ANO4: variants seen among roughly 807,000 people sequenced by gnomAD.
The protein encoded by ANO4 is anoctamin 4.
ANO4 carries 69 observed loss-of-function variants against 141.9 expected under a neutral mutation model. The observed-to-expected ratio is 0.49, with a 90% confidence interval of 0.40 to 0.59. The LOEUF is 0.59. Ranked by LOEUF, ANO4 falls within the 20% of genes least tolerant of loss-of-function variation. The probability of loss-of-function intolerance (pLI) is 0.00; values close to 1 mark genes in which losing one functional copy is unlikely to be tolerated. For missense variants in ANO4, 894 were observed against 1,162.2 expected, an observed-to-expected ratio of 0.77 and a Z score of 3.36; for synonymous variants, 350 against 394.3, an observed-to-expected ratio of 0.89 and a Z score of 1.33.
intron 8 of ANO4, among the ~76,000 whole-genome samples, chr12:101,002,493 T>TC (rs2045688679): frequency 6.6e-6 from 1 of 152,176 alleles, no homozygotes; most frequent in South Asian, 2.1e-4. Context: ...TCTTCCCTTC[T>TC]CCCCCCAGCC....
At chr12:100,787,201 T>C (rs1451272131) in intron 3 of ANO4, among the ~76,000 whole-genome samples, 1 of 149,794 alleles carries the variant, frequency 6.7e-6, no homozygotes, top group East Asian at 2.0e-4. Flanking sequence ...GGAGATGGGT[T>C]ACTCCATTGG....
chr12:100,993,282 A>G (rs1446815739), intron 8 of ANO4, among the ~76,000 whole-genome samples: 1 of 152,210 alleles, frequency 6.6e-6, no homozygotes, highest in African/African-American at 2.4e-5. Flanking sequence ...GTGGGTGTAC[A>G]AGTCAACATA....
chr12:101,084,264 C>A (rs954594432), intron 16 of ANO4, among the ~76,000 whole-genome samples: 2 of 152,088 alleles, frequency 1.3e-5, no homozygotes, highest in Non-Finnish European at 1.5e-5. Flanking sequence ...ACAGTGCTCA[C>A]CTTTATAATA....
rs376001079 is a variant in ANO4, at chr12:101,079,190, C to T, written c.1313-3C>T. 1.8e-5 allele frequency: 29 copies of T among 1,613,264 alleles called. No homozygotes were observed. The highest frequency in any genetic ancestry group is 2.4e-5 in the Non-Finnish European group (28 of 1,179,476). On this transcript the variant is annotated splice_region_variant and splice_polypyrimidine_tract_variant and intron_variant, in intron 14 of 27. Transcript: ENST00000392977. ...TGTCTTTGTCTTTCTCTGCTTGTTC[C>T]AGCAACAGTTTTCCTGGAGTTTTGG... is the stretch of plus-strand genomic sequence containing the variant.
At chr12:100,808,469 T>C (rs2035196875) in intron 1 of ANO4, among the ~76,000 whole-genome samples, 3 of 152,198 alleles carry the variant, frequency 2.0e-5, no homozygotes, top group Admixed American at 2.0e-4. Flanking sequence ...ATGTATAGTT[T>C]GCAAAAATTT....
chr12:100,954,982 A>G (rs1172880120), intron 5 of ANO4, among the ~76,000 whole-genome samples: 1 of 152,132 alleles, frequency 6.6e-6, no homozygotes, highest in Non-Finnish European at 1.5e-5. Flanking sequence ...AAGACAAGCT[A>G]AAAATTCCTT....
Position 101,110,501 on chromosome 12 carries a change from T to A in ANO4, c.2247T>A (p.Ala749=). The A allele has an allele frequency of 6.2e-7, 1 of 1,611,678 alleles. No individual in the cohort carries two copies. Among genetic ancestry groups the A allele is most frequent in the Non-Finnish European group, 8.5e-7 (1 of 1,178,864 alleles). Residue 749 remains alanine (A), a synonymous_variant, in exon 23 of 28, where the codon GCT becomes GCA. Coordinates refer to ENST00000392977, the MANE Select transcript of ANO4 (RefSeq NM_001286615.2). ...LNNIIEIRLD[A]YKFVTQWRRP... ...ACATAATTGAAATTCGACTTGATGC[T>A]TACAAATTTGTCACACAGTGGAGGA...
chr12:101,120,251 G>A (rs1002432677), intron 25 of ANO4, among the ~76,000 whole-genome samples: 1 of 152,172 alleles, frequency 6.6e-6, no homozygotes, highest in Admixed American at 6.5e-5. Context: ...ACATCTTGAT[G>A]ATGTCACTGA....
At chr12:100,827,037 G>A (rs1393689153) in intron 1 of ANO4, among the ~76,000 whole-genome samples, 1 of 151,948 alleles carries the variant, frequency 6.6e-6, no homozygotes, top group Non-Finnish European at 1.5e-5. Context: ...AACTTTTAAA[G>A]CCTGTTCTCT....
chr12:100,740,897 G>A (rs2031835094), intron 3 of ANO4, among the ~76,000 whole-genome samples: 1 of 152,156 alleles, frequency 6.6e-6, no homozygotes. Context: ...CATAACAGTG[G>A]CAGAGTTGAG....
At chr12:100,835,942 G>A (rs1415706344) in intron 1 of ANO4, among the ~76,000 whole-genome samples, 1 of 152,070 alleles carries the variant, frequency 6.6e-6, no homozygotes, top group African/African-American at 2.4e-5. Flanking sequence ...AATCAACAAA[G>A]CAACACAAGC....
chr12:100,738,727 GT>G (rs2031719073), intron 2 of ANO4, among the ~76,000 whole-genome samples: 1 of 151,642 alleles, frequency 6.6e-6, no homozygotes, highest in African/African-American at 2.4e-5. Flanking sequence ...TAATGTCTTG[GT>G]ATACATAGTG....
chr12:101,080,872 A>ATATATATTATATATATATATATATAT (rs1474628270), intron 15 of ANO4, among the ~76,000 whole-genome samples: 1 of 98,804 alleles, frequency 1.0e-5, no homozygotes, highest in Non-Finnish European at 2.0e-5. Flanking sequence ...CTAGATATAT[A>ATATATATTATATATATATATATATAT]TATATATATA....
At chr12:101,055,823 T>C (rs1409928281) in intron 14 of ANO4, among the ~76,000 whole-genome samples, 24 of 152,194 alleles carry the variant, frequency 1.6e-4, no homozygotes, top group Non-Finnish European at 1.5e-5. Flanking sequence ...TATGACTTAT[T>C]TCAAGTTGGT....
At chr12:100,743,028 A>G (rs548298106) in intron 3 of ANO4, among the ~76,000 whole-genome samples, 1 of 152,118 alleles carries the variant, frequency 6.6e-6, no homozygotes, top group South Asian at 2.1e-4. Context: ...CATCCATCCA[A>G]TATACACTAA....
chr12:100,771,222 T>C (rs2135552125), intron 3 of ANO4, among the ~76,000 whole-genome samples: 1 of 152,174 alleles, frequency 6.6e-6, no homozygotes, highest in Admixed American at 6.5e-5. Flanking sequence ...GGCAGACCTG[T>C]TCATCAGAGC....
At chr12:101,084,175 C>A (rs1333251081) in intron 16 of ANO4, among the ~76,000 whole-genome samples, 4 of 152,130 alleles carry the variant, frequency 2.6e-5, no homozygotes, top group African/African-American at 9.7e-5. Context: ...TTTCACCATG[C>A]CCATACAGTA....
At chr12:100,933,760 C>T (rs1331287131) in intron 3 of ANO4, among the ~76,000 whole-genome samples, 1 of 152,244 alleles carries the variant, frequency 6.6e-6, no homozygotes, top group Non-Finnish European at 1.5e-5. Context: ...TATTTCTCCA[C>T]ATCCTCTCCA....
chr12:100,751,861 T>C (rs2032397447), intron 3 of ANO4, among the ~76,000 whole-genome samples: 1 of 152,098 alleles, frequency 6.6e-6, no homozygotes, highest in African/African-American at 2.4e-5. Flanking sequence ...ATTTTGAAGA[T>C]GGGGAAAGAC....
Sources: gnomAD v4.1 joint callset for allele counts (sites outside exome capture counted in the v4.1 genomes callset) on GRCh38, gnomAD v4.1.1 for gene constraint, MANE v1.5 for transcripts, NCBI Gene and HGNC (gene_info 2026-07-23, HGNC 2026-07-21) for gene names.